Variants in EIF3C observed in about 807,000 individuals in gnomAD.
EIF3C encodes eukaryotic translation initiation factor 3 subunit C, also known as cell migration-inducing protein 17.
In EIF3C, 2 loss-of-function variants were observed where a neutral mutation model predicts 11.1. That is an observed-to-expected ratio of 0.18 (90% CI 0.07 to 0.57). EIF3C has a LOEUF of 0.57. Ranked by LOEUF, EIF3C falls within the 20% of genes least tolerant of loss-of-function variation. The pLI is 0.92. For missense variants in EIF3C, 16 were observed against 114.6 expected (o/e 0.14, Z 3.93); for synonymous variants, 2 against 41.5 (o/e 0.05, Z 3.66).
rs2048268872 is a variant in EIF3C at position 28,699,502 on chromosome 16, G to GAGAGGA, written c.-31+10679_-31+10680insAAGAGG. Among the ~76,000 whole-genome samples the GAGAGGA allele has an allele frequency of 1.9e-5, 2 of 105,584 alleles. 1 individual carries two copies. Among genetic ancestry groups the GAGAGGA allele is most frequent in the African/African-American group, 9.0e-5 (2 of 22,322 alleles). The allele number at this position is 105,584 out of a possible 152,430, so 69.3% of individuals were successfully genotyped here. On this transcript the variant is annotated intron_variant, in intron 1 of 20. Coordinates refer to the EIF3C transcript ENST00000566501. ...GGAGACGGAGAGGGAGAGGGAGAGG[G>GAGAGGA]AGAGGGAGAGGGAGAGGGCATGAAA...
At chr16:28,699,874 C>A (rs2048271255) in intron 1 of EIF3C, among the ~76,000 whole-genome samples, 1 of 90,604 alleles carries the variant, frequency 1.1e-5, no homozygotes, top group Admixed American at 1.1e-4. Context: ...ATCTAAAATC[C>A]TTTTTAGAAC....
chr16:28,723,530 G>A lies in EIF3C; in HGVS notation c.1019G>A (p.Arg340Gln), dbSNP rs1181408954. ...IKKLNEILQA[R>Q]GKKGTDRAAQ... is the part of the protein sequence containing the mutation. Reference sequence around the variant, plus strand: ...AAACTGAATGAGATCCTACAGGCACGAGGCAAGAAGGGAACTGATCGGTAA... The same window carrying A: ...AAACTGAATGAGATCCTACAGGCACAAGGCAAGAAGGGAACTGATCGGTAA... The change falls in exon 10 of 21, where the codon CGA becomes CAA. Residue 340 changes from arginine (R) to glutamine (Q), a missense_variant. By Grantham distance (43) the Arg-to-Gln change is conservative. Transcript: ENST00000331666. 1 of 1,597,410 alleles carries A rather than the reference G, an allele frequency of 6.3e-7. No homozygotes were observed.
In EIF3C at chr16:28,697,823, AC is replaced by A. The variant is rs1168183284; in HGVS notation, c.-31+9003del. Among the ~76,000 whole-genome samples the A allele has an allele frequency of 5.4e-4, 38 of 70,260 alleles. 7 individuals are homozygous for A. Among genetic ancestry groups the A allele is most frequent in the Non-Finnish European group, 8.8e-4 (35 of 39,780 alleles). 46.1% of individuals were successfully genotyped at this position (70,260 alleles called of 152,430 possible). ...GGCGGCTCGCCGGGCAGGGGGGCTG[AC>A]CCCCCCCACCTCCCTCCCGGACGGG... On this transcript the variant is annotated intron_variant, in intron 1 of 20. Coordinates refer to the EIF3C transcript ENST00000566501.
intron 1 of EIF3C, chr16:28,700,444 G>A (rs1448960119): frequency 2.6e-6 from 1 of 379,828 alleles, no homozygotes; most frequent in Non-Finnish European, 4.8e-6. Flanking sequence ...CTTGGCCTTG[G>A]TGGGGTCCAT....
At chr16:28,698,299 T>G (rs1356305822) in intron 1 of EIF3C, among the ~76,000 whole-genome samples, 1 of 82,008 alleles carries the variant, frequency 1.2e-5, no homozygotes, top group Admixed American at 1.1e-4. Context: ...CTGGCCAGGC[T>G]GAGGGGCTCC....
At chr16:28,698,556 C>T (rs1310788351) in intron 1 of EIF3C, among the ~76,000 whole-genome samples, 2 of 71,244 alleles carry the variant, frequency 2.8e-5, no homozygotes, top group Non-Finnish European at 5.1e-5. Flanking sequence ...CCCTCCCGGA[C>T]GGGGTGGCTG....
intron 1 of EIF3C, among the ~76,000 whole-genome samples, chr16:28,700,011 TG>T (rs1399901880): frequency 2.7e-5 from 1 of 37,250 alleles, no homozygotes; most frequent in African/African-American, 1.1e-4. Flanking sequence ...TGGCGACCTC[TG>T]CCCCTCCCCG....
chr16:28,698,587 C>A (rs1596703974), intron 1 of EIF3C, among the ~76,000 whole-genome samples: 2 of 97,378 alleles, frequency 2.1e-5, no homozygotes, highest in South Asian at 1.1e-3. Context: ...ACGCTCCTCA[C>A]TTCCCAGATG....
rs1484352227 is a variant in EIF3C at position 28,697,806 on chromosome 16, G to A, written c.-31+8978G>A. Among the ~76,000 whole-genome samples the A allele has an allele frequency of 3.2e-5, 3 of 93,790 alleles. 1 individual carries two copies. Among genetic ancestry groups the A allele is most frequent in the Admixed American group, 2.8e-4 (3 of 10,872 alleles). The allele number at this position is 93,790 out of a possible 152,430, so 61.5% of individuals were successfully genotyped here. ...CCTCACCTCCCGGATGGGGCGGCTCGCCGGGCAGGGGGGCTGACCCCCCCC... is the reference window on the plus strand; with the variant it reads ...CCTCACCTCCCGGATGGGGCGGCTCACCGGGCAGGGGGGCTGACCCCCCCC... On this transcript the variant is annotated intron_variant, in intron 1 of 20. Coordinates refer to the EIF3C transcript ENST00000566501.
chr16:28,691,180 AATATATATATATATAATATAT>A lies in EIF3C; in HGVS notation c.-31+2357_-31+2377del, dbSNP rs1422320813. Among the ~76,000 whole-genome samples the A allele has an allele frequency of 4.0e-4, 16 of 40,354 alleles. 6 individuals are homozygous for A. In the East Asian group the frequency reaches 0.012, roughly 29 times the overall value. The allele number at this position is 40,354 out of a possible 152,430, so 26.5% of individuals were successfully genotyped here. A position where few individuals can be genotyped will look rare whatever the true frequency, so the allele number is the denominator to read the frequency against. The stretch of plus-strand genomic sequence containing the variant: ...ACAGAGCAAGACTCCGTCTCAAAAA[AATATATATATATATAATATAT>A]ATATTATATATATATATATGGAGCA... On this transcript the variant is annotated intron_variant, in intron 1 of 20. Coordinates refer to the EIF3C transcript ENST00000566501.
chr16:28,704,119 G>A (rs1331791115), intron 1 of EIF3C, among the ~76,000 whole-genome samples: 1 of 34,058 alleles, frequency 2.9e-5, no homozygotes, highest in East Asian at 6.5e-4. Flanking sequence ...GCTAGGTGTG[G>A]TGGTGCATGC....
chr16:28,698,365 G>A (rs2048255835), intron 1 of EIF3C, among the ~76,000 whole-genome samples: 1 of 99,626 alleles, frequency 1.0e-5, no homozygotes, highest in Admixed American at 8.6e-5. Context: ...CGGACGGGGC[G>A]GCTGGCCGGG....
At chr16:28,697,847 G>C (rs1447025603) in intron 1 of EIF3C, among the ~76,000 whole-genome samples, 1 of 93,200 alleles carries the variant, frequency 1.1e-5, no homozygotes, top group Non-Finnish European at 2.0e-5. Context: ...CCTCCCGGAC[G>C]GGGCGGCTGG....
rs1222257964 is a variant in EIF3C at position 28,729,624 on chromosome 16, A to G, written c.1819-2205A>G. Among the ~76,000 whole-genome samples the G allele has an allele frequency of 8.9e-5, 9 of 101,450 alleles. No homozygotes were observed. In the East Asian group the frequency reaches 2.6e-3, roughly 29 times the overall value. The allele number at this position is 101,450 out of a possible 152,430, so 66.6% of individuals were successfully genotyped here. The stretch of plus-strand genomic sequence containing the variant: ...TTGTAGAAAAGACTTCCTTTCCCCT[A>G]TTGTATTGCTTTGGTGTCTTTGTGG... On this transcript the variant is annotated intron_variant, in intron 15 of 20. Transcript: ENST00000331666.
intron 1 of EIF3C, among the ~76,000 whole-genome samples, chr16:28,693,210 G>A (rs1269672640): frequency 2.7e-5 from 1 of 37,126 alleles, no homozygotes; most frequent in East Asian, 4.9e-4. Flanking sequence ...TTTGAGACAC[G>A]GTCTTGCTCT....
At position 28,697,182 on chromosome 16, in the gene EIF3C, GTT is replaced by G. The variant is rs561287540; in HGVS notation, c.-31+8366_-31+8367del. Reference sequence around the variant, plus strand: ...TTCCTAAAGTGCAAACTTTATTTGAGTTTTTTTTTTTTTAATTTATTTTTTTA... The same window carrying G: ...TTCCTAAAGTGCAAACTTTATTTGAGTTTTTTTTTTTAATTTATTTTTTTA... On this transcript the variant is annotated intron_variant, in intron 1 of 20. Transcript: ENST00000566501. Among the ~76,000 whole-genome samples, 6 of 27,166 alleles carry G rather than the reference GTT, an allele frequency of 2.2e-4. 2 individuals are homozygous for G. In the East Asian group the frequency reaches 2.9e-3, roughly 13 times the overall value. 17.8% of individuals were successfully genotyped at this position (27,166 alleles called of 152,430 possible).
rs1373478208 is a variant in EIF3C at position 28,691,180 on chromosome 16, A to T, written c.-31+2352A>T. On this transcript the variant is annotated intron_variant, in intron 1 of 20. Transcript: ENST00000566501. ...ACAGAGCAAGACTCCGTCTCAAAAAAATATATATATATATAATATATATAT... is the reference window on the plus strand; with the variant it reads ...ACAGAGCAAGACTCCGTCTCAAAAATATATATATATATATAATATATATAT... Among the ~76,000 whole-genome samples, 6 of 40,352 alleles carry T rather than the reference A, an allele frequency of 1.5e-4. 3 individuals are homozygous for T. Among genetic ancestry groups the T allele is most frequent in the Non-Finnish European group, 2.3e-4 (6 of 26,000 alleles). The allele number at this position is 40,352 out of a possible 152,430, so 26.5% of individuals were successfully genotyped here. A position where few individuals can be genotyped will look rare whatever the true frequency, so the allele number is the denominator to read the frequency against.
intron 1 of EIF3C, among the ~76,000 whole-genome samples, chr16:28,704,176 A>G (rs2048288231): frequency 2.4e-5 from 1 of 41,126 alleles, no homozygotes; most frequent in Non-Finnish European, 4.3e-5. Context: ...AATCGCTTAA[A>G]CCCGGGAGGC....
At chr16:28,699,719 T>G (rs1232204614) in intron 1 of EIF3C, among the ~76,000 whole-genome samples, 3 of 79,040 alleles carry the variant, frequency 3.8e-5, no homozygotes, top group African/African-American at 1.7e-4. Context: ...AATTTTTGTA[T>G]TTTTAGTAGA....
Sources: allele counts gnomAD v4.1 joint callset (sites outside exome capture counted in the v4.1 genomes callset), GRCh38; gene constraint gnomAD v4.1.1; transcripts MANE v1.5; gene names NCBI Gene and HGNC (gene_info 2026-07-23, HGNC 2026-07-21).